ZWILCH: variants seen among roughly 807,000 people sequenced by gnomAD.
ZWILCH encodes the protein protein zwilch homolog.
A neutral mutation model predicts 79.9 loss-of-function variants in ZWILCH; 74 were observed. The ratio of observed to expected loss-of-function variants is 0.93; its 90% CI spans 0.77 to 1.12. ZWILCH has a LOEUF of 1.12. ZWILCH is among the 50% of genes most tolerant of loss of function. The pLI, the probability that ZWILCH is intolerant of heterozygous loss-of-function variation, is 0.00. For missense variants in ZWILCH, 694 were observed against 687.5 expected (o/e 1.01, Z -0.11); for synonymous variants, 241 against 228.2 (o/e 1.06, Z -0.51).
chr15:66,525,008 C>T (rs917280796), intron 8 of ZWILCH, among the ~76,000 whole-genome samples: 5 of 152,142 alleles, frequency 3.3e-5, no homozygotes, highest in African/African-American at 1.2e-4. Flanking sequence ...ATCTTTCCAA[C>T]TTCCACCAAA....
chr15:66,543,309 GC>G (rs1408165176), intron 17 of ZWILCH, among the ~76,000 whole-genome samples: 4 of 152,320 alleles, frequency 2.6e-5, no homozygotes, highest in Admixed American at 2.0e-4. Context: ...TTGTGGTATT[GC>G]TTATGGTAGC....
chr15:66,539,842 G>A (rs1473974503), intron 16 of ZWILCH, among the ~76,000 whole-genome samples: 2 of 151,804 alleles, frequency 1.3e-5, no homozygotes, highest in Non-Finnish European at 2.9e-5. Flanking sequence ...CCCAATCCGA[G>A]TTACATTCCT....
At chr15:66,512,204 C>T (rs1894093378) in intron 2 of ZWILCH, among the ~76,000 whole-genome samples, 1 of 152,080 alleles carries the variant, frequency 6.6e-6, no homozygotes, top group Admixed American at 6.5e-5. Context: ...CTATTAGAAT[C>T]CTGTTTTTAT....
rs1466398327 is a variant in ZWILCH, at chr15:66,528,933, C to T, written c.1051C>T (p.Gln351Ter). Reference protein sequence around the residue: ...KVRSDLDFAEQLWCKMSSSVI... With the variant: ...KVRSDLDFAE The stretch of plus-strand genomic sequence containing the variant: ...TCGGAGTGATCTTGATTTTGCTGAG[C>T]AACTGTGGTGCAAAATGAGCAGTAG... The change falls in exon 11 of 19, where the codon CAA becomes TAA. Residue 351 changes from glutamine (Q) to a stop codon, truncating the protein, a stop_gained. Coordinates refer to ENST00000307897, the MANE Select transcript of ZWILCH (RefSeq NM_017975.5). LOFTEE classifies it high-confidence loss of function. The T allele has an allele frequency of 3.7e-6, 6 of 1,613,998 alleles. No homozygotes were observed. Among genetic ancestry groups the T allele is most frequent in the Non-Finnish European group, 5.1e-6 (6 of 1,179,928 alleles).
chr15:66,549,948 T>C lies in ZWILCH; in HGVS notation c.*1624T>C. ...TCATAAGTAGTTTTGGAAGATTGAC[T>C]TCAAGTAGAGCCACATTTTGAGATT... is the stretch of plus-strand genomic sequence containing the variant. On this transcript the variant is annotated 3_prime_UTR_variant, in exon 19 of 19. Transcript: ENST00000307897. 2.5e-6 allele frequency: 2 copies of C among 805,538 alleles called. No homozygotes were observed. Among genetic ancestry groups the C allele is most frequent in the Non-Finnish European group, 3.7e-6 (2 of 538,538 alleles). 49.9% of individuals were successfully genotyped at this position (805,538 alleles called of 1,614,324 possible).
rs201931107 is a variant in ZWILCH, at chr15:66,523,834, A to G, written c.819+86A>G. 71 of 1,111,588 alleles carry G rather than the reference A, an allele frequency of 6.4e-5. No homozygotes were observed. In the East Asian group the frequency reaches 1.7e-3, roughly 26 times the overall value. 68.9% of individuals were successfully genotyped at this position (1,111,588 alleles called of 1,614,324 possible). Reference sequence around the variant, plus strand: ...TGTTGTTTTTACTTAGGTTTGTGTTACTCAAAACTTCTTCAGATGTTATGT... The same window carrying G: ...TGTTGTTTTTACTTAGGTTTGTGTTGCTCAAAACTTCTTCAGATGTTATGT... On this transcript the variant is annotated intron_variant, in intron 8 of 18. Transcript: ENST00000307897.
intron 15 of ZWILCH, 77 bp from the exon 16 acceptor site, chr15:66,537,091 A>T: frequency 9.2e-7 from 1 of 1,084,246 alleles, no homozygotes; most frequent in Non-Finnish European, 1.4e-6. Context: ...TGTTTCCCTT[A>T]CGAGCTTTAG....
At chr15:66,521,830 G>GTAA (rs1022034954) in intron 7 of ZWILCH, among the ~76,000 whole-genome samples, 1 of 151,982 alleles carries the variant, frequency 6.6e-6, no homozygotes, top group African/African-American at 2.4e-5. Context: ...GGAGTTATTG[G>GTAA]TAACACATCA....
At position 66,540,202 on chromosome 15, in the gene ZWILCH, A is replaced by G; in HGVS notation, c.1679A>G (p.His560Arg). 6.2e-7 allele frequency: 1 copy of G among 1,607,218 alleles called. No individual in the cohort carries two copies. Among genetic ancestry groups the G allele is most frequent in the Non-Finnish European group, 8.5e-7 (1 of 1,175,102 alleles). ...DSSPIDHLNF[H>R]KPDFSELTLN... is the part of the protein sequence containing the mutation. ...TCACCCATAGACCATCTGAATTTTCACAAACCTGGTAAAGATGGTTTATAA... is the reference window on the plus strand; with the variant it reads ...TCACCCATAGACCATCTGAATTTTCGCAAACCTGGTAAAGATGGTTTATAA... The change falls in exon 17 of 19, where the codon CAC becomes CGC. Residue 560 changes from histidine (H) to arginine (R), a missense_variant. Transcript: ENST00000307897.
Position 66,514,084 on chromosome 15 carries a change from G to T in ZWILCH, c.201+1G>T. ...CATAGTATTCATAGTGGAAAAAGTG[G>T]TAAGTACTGGTTTGACTTTGTGGTT... On this transcript the variant is annotated splice_donor_variant, in intron 3 of 18. Coordinates refer to ENST00000307897, the MANE Select transcript of ZWILCH (RefSeq NM_017975.5). LOFTEE classifies it high-confidence loss of function. 1 of 1,600,664 alleles carries T rather than the reference G, an allele frequency of 6.2e-7. No homozygotes were observed. Among genetic ancestry groups the T allele is most frequent in the East Asian group, 2.2e-5 (1 of 44,660 alleles).
rs1894582448 is a variant in ZWILCH, at chr15:66,523,722, C to T, written c.793C>T (p.Leu265Phe). 2.5e-6 allele frequency: 4 copies of T among 1,612,332 alleles called. No homozygotes were observed. Among genetic ancestry groups the T allele is most frequent in the Non-Finnish European group, 3.4e-6 (4 of 1,178,846 alleles). ...SGEPRGPLNH[L>F]YRELKFLLVL... is the part of the protein sequence containing the mutation. ...AGAGCCCAGAGGTCCTTTGAATCAT[C>T]TCTACAGAGAACTGAAATTTCTTCT... The change falls in exon 8 of 19, where the codon CTC (leucine) becomes TTC (phenylalanine). Residue 265 changes from leucine to phenylalanine, a missense_variant. Physicochemically the swap from Leu to Phe is conservative, Grantham distance 22. Transcript: ENST00000307897.
intron 17 of ZWILCH, among the ~76,000 whole-genome samples, chr15:66,543,816 AG>A (rs1282764296): frequency 6.6e-6 from 1 of 152,170 alleles, no homozygotes; most frequent in Non-Finnish European, 1.5e-5. Flanking sequence ...CTGGGAGTAC[AG>A]CTGGGACATC....
rs1893771745 is a variant in ZWILCH, at chr15:66,505,391, A to G, written c.53A>G (p.Gln18Arg). Reference sequence around the variant, plus strand: ...GAGGACTTTTATTCTCGTCTCCTTCAGTGAGTCTAGTCTCTTCTTTTGGCT... The same window carrying G: ...GAGGACTTTTATTCTCGTCTCCTTCGGTGAGTCTAGTCTCTTCTTTTGGCT... ...AAEDFYSRLL[Q>R]KFNEEKKGIR... Residue 18 changes from glutamine (Q) to arginine (R), a missense_variant and splice_region_variant, in exon 1 of 19, where the codon CAG becomes CGG. Physicochemically the swap from Gln to Arg is conservative, Grantham distance 43. Coordinates refer to ENST00000307897, the MANE Select transcript of ZWILCH (RefSeq NM_017975.5). The G allele has an allele frequency of 1.2e-6, 2 of 1,614,084 alleles. No homozygotes were observed. Among genetic ancestry groups the G allele is most frequent in the East Asian group, 2.2e-5 (1 of 44,890 alleles).
rs1240355020 is a variant in ZWILCH at position 66,526,705 on chromosome 15, A to G, written c.820-585A>G. ...TCTCGATCTCCTGACCTCATGATCC[A>G]CCCATCTCGGCCTCCCAAAGTGCTG... On this transcript the variant is annotated intron_variant, in intron 8 of 18. Transcript: ENST00000307897. 2.0e-5 allele frequency among the ~76,000 whole-genome samples: 3 copies of G among 151,594 alleles called. No individual in the cohort carries two copies. The East Asian group carries it at 5.8e-4, about 29-fold the overall frequency.
At chr15:66,539,748 G>C (rs12593241) in intron 16 of ZWILCH, among the ~76,000 whole-genome samples, 40,236 of 151,912 alleles carry the variant, frequency 0.26, 5,412 homozygotes, top group East Asian at 0.37. Context: ...TCATCCTGGA[G>C]TTTATCTGCC....
At chr15:66,537,305 C>T in intron 16 of ZWILCH, 42 bp downstream of exon 16, 1 of 1,460,854 alleles carries the variant, frequency 6.8e-7, no homozygotes, top group South Asian at 1.1e-5. Context: ...TGCCTGTAAT[C>T]CTAGCACTAT....
intron 1 of ZWILCH, 154 bp from the exon 2 acceptor site, chr15:66,508,687 T>A (rs1893916174): frequency 7.3e-7 from 1 of 1,366,754 alleles, no homozygotes. Context: ...GCTTTTTTTC[T>A]CTCTCTGCAA....
At position 66,514,120 on chromosome 15, in the gene ZWILCH, C is replaced by G. The variant is rs113121338; in HGVS notation, c.201+37C>G. The G allele has an allele frequency of 4.1e-4, 610 of 1,482,092 alleles. 3 individuals are homozygous for G. In the African/African-American group the frequency reaches 7.4e-3, roughly 18 times the overall value. The allele number at this position is 1,482,092 out of a possible 1,614,324, so 91.8% of individuals were successfully genotyped here. On this transcript the variant is annotated intron_variant, in intron 3 of 18. Coordinates refer to ENST00000307897, the MANE Select transcript of ZWILCH (RefSeq NM_017975.5). Reference sequence around the variant, plus strand: ...TTTGACTTTGTGGTTGTTTAATTCTCCATAACCAAATTTGGTTTCTTGGGA... The same window carrying G: ...TTTGACTTTGTGGTTGTTTAATTCTGCATAACCAAATTTGGTTTCTTGGGA...
At chr15:66,512,113 T>C (rs1245490561) in intron 2 of ZWILCH, among the ~76,000 whole-genome samples, 2 of 152,156 alleles carry the variant, frequency 1.3e-5, no homozygotes, top group Non-Finnish European at 2.9e-5. Flanking sequence ...TCATATAATA[T>C]GGAATTAGTT....
Sources: allele counts gnomAD v4.1 joint callset (sites outside exome capture counted in the v4.1 genomes callset), GRCh38; gene constraint gnomAD v4.1.1; transcripts MANE v1.5; gene names NCBI Gene and HGNC (gene_info 2026-07-23, HGNC 2026-07-21).